The following PRKDC variants were observed in gnomAD, a reference collection of about 807,000 sequenced individuals.
The protein encoded by PRKDC is protein kinase, DNA-activated, catalytic subunit, also known as DNA-dependent protein kinase catalytic subunit.
In PRKDC, 82 loss-of-function variants were observed where a neutral mutation model predicts 486.9. The ratio of observed to expected loss-of-function variants is 0.17; its 90% CI spans 0.14 to 0.20. PRKDC has a LOEUF of 0.20. PRKDC is among the 10% of genes least tolerant of loss of function. The pLI is 1.00. For synonymous variants in PRKDC, 1,895 were observed against 1,837.0 expected, an observed-to-expected ratio of 1.03 and a Z score of -0.81; for missense variants, 4,504 against 5,038.2, an observed-to-expected ratio of 0.89 and a Z score of 3.21.
intron 68 of PRKDC, among the ~76,000 whole-genome samples, chr8:47,813,093 A>ATATTTATTTATT (rs139524100): frequency 2.3e-3 from 344 of 148,198 alleles, no homozygotes; most frequent in Non-Finnish European, 3.0e-3. Context: ...ATAGAATTTT[A>ATATTTATTTATT]TATTTATTTA....
intron 20 of PRKDC, among the ~76,000 whole-genome samples, 180 bp from the exon 21 acceptor site, chr8:47,927,533 G>A (rs369528040): frequency 4.3e-4 from 65 of 152,272 alleles, no homozygotes; most frequent in African/African-American, 1.5e-3. Flanking sequence ...CTGTGGCTGT[G>A]GTATACCGCA....
chr8:47,803,549 C>G (rs2087153670), intron 69 of PRKDC, 69 bp from the exon 70 acceptor site: 6 of 1,433,726 alleles, frequency 4.2e-6, no homozygotes, highest in Non-Finnish European at 5.9e-6. Context: ...TTCTAATTGG[C>G]CTGCTTCCCC....
chr8:47,864,827 A>G, intron 40 of PRKDC, 64 bp from the exon 41 acceptor site: 1 of 1,331,330 alleles, frequency 7.5e-7, no homozygotes, highest in Non-Finnish European at 1.0e-6. Flanking sequence ...ATGAGTGCCT[A>G]CTACATAACA....
chr8:47,891,409 C>G (rs779539493), intron 31 of PRKDC, among the ~76,000 whole-genome samples: 1 of 152,170 alleles, frequency 6.6e-6, no homozygotes. Context: ...ATTCCAAGAA[C>G]TGAGATAACT....
chr8:47,830,752 C>A lies in PRKDC; in HGVS notation c.8266-16G>T, dbSNP rs1345012856. 2 of 1,613,736 alleles carry A rather than the reference C, an allele frequency of 1.2e-6. No homozygotes were observed. Among genetic ancestry groups the A allele is most frequent in the African/African-American group, 1.3e-5 (1 of 74,962 alleles). On this transcript the variant is annotated splice_polypyrimidine_tract_variant and intron_variant, in intron 60 of 85. Coordinates refer to ENST00000314191, the MANE Select transcript of PRKDC (RefSeq NM_006904.7). ...TCTTGATTTCCTATAAGCACCAGAA[C>A]CAAAGAAGAAGATGAGCATTCTCAT...
rs1451762855 is a variant in PRKDC, at chr8:47,857,136, A to T, written c.6609+20T>A. 1.2e-6 allele frequency: 2 copies of T among 1,609,400 alleles called. No individual in the cohort carries two copies. The highest frequency in any genetic ancestry group is 1.7e-6 in the Non-Finnish European group (2 of 1,178,088). On this transcript the variant is annotated intron_variant, in intron 49 of 85. Transcript: ENST00000314191. ...TGGCAAAGGATAATATATTAACATAAAAGATGCATCAATCCTTACTGTTGG... is the reference window on the plus strand; with the variant it reads ...TGGCAAAGGATAATATATTAACATATAAGATGCATCAATCCTTACTGTTGG...
At position 47,782,077 on chromosome 8, in the gene PRKDC, A is replaced by G. The variant is rs938038989; in HGVS notation, c.11489+85T>C. ...GCGGGGCAGGCAGTGTGGGCTCTCG[A>G]GCGCGCCTGTCACGGCCCCGACCTG... On this transcript the variant is annotated intron_variant, in intron 80 of 85. Transcript: ENST00000314191. This position sits in a 1 kb window ranked among gnomAD's most constrained non-coding sequence, Gnocchi z 4.9. The G allele has an allele frequency of 2.2e-5, 27 of 1,205,612 alleles. No individual in the cohort carries two copies. In the Admixed American group the frequency reaches 2.8e-4, roughly 12 times the overall value. The allele number at this position is 1,205,612 out of a possible 1,614,324, so 74.7% of individuals were successfully genotyped here. A position where few individuals can be genotyped will look rare whatever the true frequency, so the allele number is the denominator to read the frequency against.
chr8:47,801,752 C>G (rs2087113209), intron 70 of PRKDC, among the ~76,000 whole-genome samples: 1 of 152,130 alleles, frequency 6.6e-6, no homozygotes, highest in Admixed American at 6.6e-5. Flanking sequence ...TGGTTCTGGG[C>G]AAGTAACTGA....
At chr8:47,871,605 T>G (rs536801533) in intron 40 of PRKDC, among the ~76,000 whole-genome samples, 3 of 152,310 alleles carry the variant, frequency 2.0e-5, no homozygotes, top group Admixed American at 6.5e-5. Flanking sequence ...TGTTGTTGTT[T>G]TTGTTTTTTT....
chr8:47,823,924 G>T lies in PRKDC; in HGVS notation c.8856C>A (p.Ile2952=), dbSNP rs572282570. 1 of 1,613,884 alleles carries T rather than the reference G, an allele frequency of 6.2e-7. No individual in the cohort carries two copies. Among genetic ancestry groups the T allele is most frequent in the African/African-American group, 1.3e-5 (1 of 75,056 alleles). ...IFTSEIGTKQ[I]TQSALLAEAR... is the part of the protein sequence containing the mutation. ...CTTCTGCTAATAATGCACTCTGAGT[G>T]ATTTGCTTTGTTCCTATCTCACTGG... Residue 2952 remains isoleucine (I), a synonymous_variant, in exon 64 of 86, where the codon ATC becomes ATA. Transcript: ENST00000314191.
chr8:47,866,349 C>T (rs1400646211), intron 40 of PRKDC, among the ~76,000 whole-genome samples: 1 of 152,030 alleles, frequency 6.6e-6, no homozygotes, highest in East Asian at 1.9e-4. Context: ...GTTTTATAGG[C>T]CACCCACTCT....
chr8:47,904,304 G>C (rs955347195), intron 26 of PRKDC, among the ~76,000 whole-genome samples: 2 of 152,152 alleles, frequency 1.3e-5, no homozygotes, highest in East Asian at 1.9e-4. Context: ...GCCCAGACTG[G>C]AGTGCAGTAG....
At chr8:47,794,219 G>C (rs757482502) in intron 74 of PRKDC, 71 bp downstream of exon 74, 2 of 1,235,722 alleles carry the variant, frequency 1.6e-6, no homozygotes, top group Non-Finnish European at 2.3e-6. Flanking sequence ...TAGTGTCCAC[G>C]TGTGTGCTTT....
intron 37 of PRKDC, 148 bp from the exon 38 acceptor site, chr8:47,881,668 T>C (rs1430498432): frequency 9.7e-6 from 6 of 617,828 alleles, no homozygotes; most frequent in Non-Finnish European, 1.6e-5. Context: ...TTGTAAAACA[T>C]TGTAATACTA....
intron 58 of PRKDC, among the ~76,000 whole-genome samples, chr8:47,836,023 T>C (rs2088014013): frequency 6.6e-6 from 1 of 152,172 alleles, no homozygotes; most frequent in African/African-American, 2.4e-5. Flanking sequence ...CTGCCCCAGC[T>C]GGAATAACAG....
chr8:47,836,255 A>G (rs764453416), intron 58 of PRKDC, 83 bp downstream of exon 58: 1 of 1,297,128 alleles, frequency 7.7e-7, no homozygotes, highest in Non-Finnish European at 1.0e-6. Flanking sequence ...CTTCTCTCAC[A>G]AAAGCCCAAC....
chr8:47,827,165 C>T (rs1021840464), intron 62 of PRKDC, among the ~76,000 whole-genome samples: 2 of 130,882 alleles, frequency 1.5e-5, no homozygotes, highest in African/African-American at 6.0e-5. Flanking sequence ...CACACACACA[C>T]GTAAATTAGA....
At chr8:47,893,469 T>TTA in intron 30 of PRKDC, 82 bp from the exon 31 acceptor site, 12 of 1,314,936 alleles carry the variant, frequency 9.1e-6, no homozygotes, top group Non-Finnish European at 1.2e-5. Flanking sequence ...TTTCAAAATG[T>TTA]TATGGGACAA....
At chr8:47,814,920 T>C (rs1469289511) in intron 68 of PRKDC, among the ~76,000 whole-genome samples, 1 of 152,174 alleles carries the variant, frequency 6.6e-6, no homozygotes, top group Non-Finnish European at 1.5e-5. Flanking sequence ...CCCAGCACAC[T>C]GGGAGGCTGA....
Sources: allele counts gnomAD v4.1 joint callset (sites outside exome capture counted in the v4.1 genomes callset), GRCh38; gene constraint gnomAD v4.1.1; non-coding constraint Gnocchi (gnomAD v3.1); transcripts MANE v1.5; gene names NCBI Gene and HGNC (gene_info 2026-07-23, HGNC 2026-07-21).